The following ATRNL1 variants were observed in gnomAD, a reference collection of about 807,000 sequenced individuals.
ATRNL1 encodes the protein attractin like 1.
A neutral mutation model predicts 182.7 loss-of-function variants in ATRNL1; 95 were observed. The observed-to-expected ratio is 0.52, with a 90% CI of 0.44 to 0.62. ATRNL1 has a LOEUF of 0.62. Ranked by LOEUF, ATRNL1 falls within the 20% of genes least tolerant of loss-of-function variation. The pLI is 0.00. For missense variants in ATRNL1, 1,471 were observed against 1,679.5 expected, an observed-to-expected ratio of 0.88 and a Z score of 2.17; for synonymous variants, 576 against 568.3, an observed-to-expected ratio of 1.01 and a Z score of -0.19.
Position 115,549,496 on chromosome 10 carries a change from G to T in ATRNL1, c.3755G>T (p.Trp1252Leu), listed in dbSNP as rs1554994905. ...LSLLLVAAVVWKIKQTCWASR... is the reference protein window; with the variant it reads ...LSLLLVAAVVLKIKQTCWASR... ...TTATTGCTGGTGGCTGCTGTGGTAT[G>T]GAAGATCAAACAAACTTGTTGGGCT... The change falls in exon 26 of 29, where the codon TGG becomes TTG. Residue 1252 changes from tryptophan (W) to leucine (L), a missense_variant. Around this residue, in one of 3 missense-constraint regions of ATRNL1, gnomAD observed 437 missense variants for 506.0 expected, o/e 0.86. Transcript: ENST00000355044. The T allele has an allele frequency of 1.2e-6, 2 of 1,603,162 alleles. No homozygotes were observed. The highest frequency in any genetic ancestry group is 1.7e-6 in the Non-Finnish European group (2 of 1,174,194).
chr10:115,793,258 T>C (rs778752670), intron 27 of ATRNL1, among the ~76,000 whole-genome samples: 13 of 152,042 alleles, frequency 8.6e-5, no homozygotes, highest in Non-Finnish European at 1.6e-4. Context: ...TTTGAAGAAA[T>C]GTCTTCTTTT....
intron 26 of ATRNL1, among the ~76,000 whole-genome samples, chr10:115,625,980 T>G (rs1858071601): frequency 6.6e-6 from 1 of 152,138 alleles, no homozygotes; most frequent in East Asian, 1.9e-4. Flanking sequence ...ATCTCCTGAA[T>G]TTTCTCCAGC....
intron 21 of ATRNL1, among the ~76,000 whole-genome samples, chr10:115,435,351 C>G (rs1035118285): frequency 6.6e-6 from 1 of 152,084 alleles, no homozygotes; most frequent in African/African-American, 2.4e-5. Flanking sequence ...GGAATTTGTG[C>G]TGTTATTGAA....
chr10:115,127,452 T>G (rs1270643411), intron 3 of ATRNL1, 141 bp from the exon 4 acceptor site: 1 of 575,166 alleles, frequency 1.7e-6, no homozygotes, highest in African/African-American at 2.0e-5. Context: ...GGGACTTCTT[T>G]TAGATGTATT....
At position 115,315,515 on chromosome 10, in the gene ATRNL1, C is replaced by A; in HGVS notation, c.2819-3C>A. The A allele has an allele frequency of 6.3e-7, 1 of 1,598,790 alleles. No homozygotes were observed. The highest frequency in any genetic ancestry group is 8.6e-7 in the Non-Finnish European group (1 of 1,168,886). On this transcript the variant is annotated splice_region_variant and splice_polypyrimidine_tract_variant and intron_variant, in intron 17 of 28. Transcript: ENST00000355044. ...CATATTTGTCAATGTTCCTGTCACG[C>A]AGCTCAAAATTGTTCTGGATTGAGA...
At chr10:115,844,561 A>G (rs1020772276) in intron 27 of ATRNL1, among the ~76,000 whole-genome samples, 2 of 152,076 alleles carry the variant, frequency 1.3e-5, no homozygotes, top group African/African-American at 4.8e-5. Flanking sequence ...CATTTAATAT[A>G]GAATTTTTGC....
At chr10:115,345,337 G>T (rs1247092024) in intron 19 of ATRNL1, among the ~76,000 whole-genome samples, 2 of 152,168 alleles carry the variant, frequency 1.3e-5, no homozygotes, top group Non-Finnish European at 2.9e-5. Context: ...TTCTGTAGGC[G>T]GGTGTCCCCT....
At chr10:115,893,769 C>T (rs375060482) in intron 28 of ATRNL1, among the ~76,000 whole-genome samples, 47 of 152,240 alleles carry the variant, frequency 3.1e-4, no homozygotes, top group African/African-American at 9.6e-4. Flanking sequence ...TGGCATGAAA[C>T]GCGACTACTT....
chr10:115,773,009 G>A (rs1255035196), intron 27 of ATRNL1, among the ~76,000 whole-genome samples: 3 of 152,076 alleles, frequency 2.0e-5, no homozygotes, highest in Non-Finnish European at 2.9e-5. Flanking sequence ...TTGGGGAGGC[G>A]TTTTCTTGCT....
intron 9 of ATRNL1, among the ~76,000 whole-genome samples, chr10:115,229,493 T>A (rs1849837297): frequency 2.6e-5 from 4 of 152,108 alleles, no homozygotes; most frequent in African/African-American, 9.7e-5. Context: ...TCAAGTCCTG[T>A]TTTGGAAATA....
intron 26 of ATRNL1, among the ~76,000 whole-genome samples, chr10:115,635,591 G>A (rs1441258721): frequency 6.6e-5 from 10 of 152,122 alleles, no homozygotes; most frequent in South Asian, 2.1e-4. Context: ...TTAAAGCTGA[G>A]TATATGGATA....
chr10:115,853,566 T>C (rs1357374090), intron 28 of ATRNL1, among the ~76,000 whole-genome samples: 1 of 152,184 alleles, frequency 6.6e-6, no homozygotes, highest in African/African-American at 2.4e-5. Context: ...TTTTCTTTTA[T>C]AATTCTGCCA....
chr10:115,138,814 T>C (rs1554877321), intron 5 of ATRNL1, among the ~76,000 whole-genome samples: 15 of 152,260 alleles, frequency 9.9e-5, no homozygotes, highest in Non-Finnish European at 2.1e-4. Flanking sequence ...TGCAAATTTA[T>C]GCAGCCAGCT....
At chr10:115,127,444 G>T in intron 3 of ATRNL1, 149 bp from the exon 4 acceptor site, 1 of 544,480 alleles carries the variant, frequency 1.8e-6, no homozygotes, top group Non-Finnish European at 3.1e-6. Flanking sequence ...AATGGATAGG[G>T]ACTTCTTTTA....
chr10:115,678,068 A>G (rs1945924580), intron 26 of ATRNL1, among the ~76,000 whole-genome samples: 2 of 152,144 alleles, frequency 1.3e-5, no homozygotes, highest in South Asian at 4.1e-4. Context: ...GCCTGCTGTG[A>G]AGAAATAAAC....
chr10:115,447,208 T>C (rs1042392867), intron 21 of ATRNL1, among the ~76,000 whole-genome samples: 1 of 151,852 alleles, frequency 6.6e-6, no homozygotes, highest in Non-Finnish European at 1.5e-5. Flanking sequence ...TTTCATAGTA[T>C]ATAGAATATA....
intron 21 of ATRNL1, among the ~76,000 whole-genome samples, chr10:115,431,781 C>T (rs1312568015): frequency 1.3e-5 from 2 of 152,062 alleles, no homozygotes; most frequent in African/African-American, 4.8e-5. Flanking sequence ...CTAGCTTTTC[C>T]ACATCATTTT....
At chr10:115,102,075 T>C (rs1487881024) in intron 1 of ATRNL1, among the ~76,000 whole-genome samples, 1 of 152,228 alleles carries the variant, frequency 6.6e-6, no homozygotes, top group Non-Finnish European at 1.5e-5. Context: ...ATTTTCTGTC[T>C]GTTTTTACCA....
chr10:115,643,604 A>G (rs1191214622), intron 26 of ATRNL1, among the ~76,000 whole-genome samples: 2 of 152,200 alleles, frequency 1.3e-5, no homozygotes, highest in Non-Finnish European at 2.9e-5. Context: ...GAAAACAAAA[A>G]TGATGCAGTT....
Sources: gnomAD v4.1 joint callset for allele counts (sites outside exome capture counted in the v4.1 genomes callset) on GRCh38, gnomAD v4.1.1 for gene constraint, gnomAD v4.1.1 regional missense constraint, MANE v1.5 for transcripts, NCBI Gene and HGNC (gene_info 2026-07-23, HGNC 2026-07-21) for gene names.